C2: variants seen among roughly 807,000 people sequenced by gnomAD.
C2 encodes complement C2, also known as C3/C5 convertase.
Under a neutral mutation model 85.2 loss-of-function variants are expected in C2, and 64 were observed. The observed-to-expected ratio is 0.75, with a 90% CI of 0.61 to 0.92. The LOEUF is 0.92. Among genes scored for constraint, C2 ranks in the 40% least tolerant of loss-of-function variants. C2 has a pLI of 0.00. For synonymous variants in C2, 311 were observed against 370.8 expected (o/e 0.84, Z 1.85); for missense variants, 820 against 971.6 (o/e 0.84, Z 2.07).
At chr6:31,930,327 C>T (rs1377397438) in intron 3 of C2, among the ~76,000 whole-genome samples, 1 of 152,120 alleles carries the variant, frequency 6.6e-6, no homozygotes, top group Non-Finnish European at 1.5e-5. Flanking sequence ...GGGATTCTGC[C>T]CACCTTGGCC....
intron 8 of C2, among the ~76,000 whole-genome samples, chr6:31,938,985 G>C (rs1444562913): frequency 6.6e-6 from 1 of 151,850 alleles, no homozygotes; most frequent in Non-Finnish European, 1.5e-5. Context: ...TTTTAGTAGA[G>C]ACAGGGTTTC....
chr6:31,907,168 T>A (rs1452301205), intron 1 of C2, among the ~76,000 whole-genome samples: 1 of 151,126 alleles, frequency 6.6e-6, no homozygotes, highest in Non-Finnish European at 1.5e-5. Context: ...AATAAAAGCA[T>A]TAGAGTTTGT....
At chr6:31,918,081 C>G (rs1299080425), upstream of C2, among the ~76,000 whole-genome samples, 1 of 151,876 alleles carries the variant, frequency 6.6e-6, no homozygotes, top group Non-Finnish European at 1.5e-5. Context: ...TCAAGACCAG[C>G]CTGGAAAACA....
chr6:31,913,030 CAA>C (rs34465217), intron 1 of C2, among the ~76,000 whole-genome samples: 6 of 70,528 alleles, frequency 8.5e-5, no homozygotes, highest in Middle Eastern at 8.9e-3. Context: ...CCTGTTTCCA[CAA>C]AAAAAAAAAA....
upstream of C2, chr6:31,927,588 CT>C (rs961099439): frequency 6.4e-7 from 1 of 1,560,764 alleles, no homozygotes; most frequent in African/African-American, 1.4e-5. The surrounding 1 kb of genome is among the most constrained non-coding windows in gnomAD (Gnocchi z 4.7). Flanking sequence ...TCCCCAATCC[CT>C]GCTTATTATT....
rs1768890453 is a variant in C2 at position 31,920,539 on chromosome 6, A to G, written c.-100+513A>G. Among the ~76,000 whole-genome samples, 1 of 152,096 alleles carries G rather than the reference A, an allele frequency of 6.6e-6. No individual in the cohort carries two copies. ...CTGGCCCATCCTCAGCTGACCCCTGAGCACCTGAGTTGTGTTTACCACCCT... is the reference window on the plus strand; with the variant it reads ...CTGGCCCATCCTCAGCTGACCCCTGGGCACCTGAGTTGTGTTTACCACCCT... On this transcript the variant is annotated intron_variant, in intron 1 of 3. Transcript: ENST00000413154. The surrounding 1 kb of genome is among the most constrained non-coding windows in gnomAD (Gnocchi z 5.6).
At chr6:31,942,893 A>G in intron 9 of C2, 66 bp from the exon 10 acceptor site, 1 of 1,602,140 alleles carries the variant, frequency 6.2e-7, no homozygotes, top group South Asian at 1.1e-5. Context: ...TTCAGATGAC[A>G]GCCTCCTGTC....
intron 3 of C2, among the ~76,000 whole-genome samples, chr6:31,931,562 G>C (rs1272678764): frequency 5.3e-5 from 8 of 151,940 alleles, no homozygotes; most frequent in African/African-American, 1.9e-4. Flanking sequence ...ACATGTTTCA[G>C]AGAGCACAGG....
chr6:31,913,330 C>T lies in C2; in HGVS notation c.73+12191C>T, dbSNP rs142023426. 3.7e-3 allele frequency among the ~76,000 whole-genome samples: 569 copies of T among 152,316 alleles called. 4 individuals are homozygous for T. Among genetic ancestry groups the T allele is most frequent in the African/African-American group, 8.5e-3 (353 of 41,578 alleles). The stretch of plus-strand genomic sequence containing the variant: ...GTGGCTCACGCCAGTAATTGGAGCA[C>T]TTTGGGAGGCCAAGGTGGGCAGATC... On this transcript the variant is annotated intron_variant, in intron 1 of 3. Coordinates refer to the C2 transcript ENST00000452202.
upstream of C2, chr6:31,899,749 T>C (rs1767050878): frequency 1.4e-6 from 1 of 693,986 alleles, no homozygotes; most frequent in Non-Finnish European, 2.3e-6. Context: ...TCTTGCACTC[T>C]CAAGAGCAAG....
chr6:31,914,321 G>A (rs1051982398), intron 1 of C2, among the ~76,000 whole-genome samples: 13 of 151,754 alleles, frequency 8.6e-5, no homozygotes, highest in East Asian at 3.9e-4. Context: ...GGCCGGGCGC[G>A]GTGGCTCACT....
At chr6:31,936,138 G>T in intron 7 of C2, 77 bp downstream of exon 7, 1 of 1,515,154 alleles carries the variant, frequency 6.6e-7, no homozygotes, top group Non-Finnish European at 9.0e-7. Context: ...AATTCTGGAT[G>T]AGTTAAAAAG....
upstream of C2, among the ~76,000 whole-genome samples, chr6:31,923,702 G>C (rs777955254): frequency 1.1e-4 from 17 of 151,268 alleles, no homozygotes; most frequent in Non-Finnish European, 1.9e-4. Context: ...TGTTAGCCAG[G>C]ATGGTCTCGA....
rs1435674471 is a variant in C2 at position 31,921,252 on chromosome 6, G to C, written c.-100+1226G>C. 6.6e-6 allele frequency among the ~76,000 whole-genome samples: 1 copy of C among 152,080 alleles called. No homozygotes were observed. Among genetic ancestry groups the C allele is most frequent in the Non-Finnish European group, 1.5e-5 (1 of 68,004 alleles). ...TGGGGTGGAAATAGGATGGGGGAGG[G>C]CATTGGCTTGACCTTACTTGGATAG... On this transcript the variant is annotated intron_variant, in intron 1 of 3. Coordinates refer to the C2 transcript ENST00000413154. The surrounding 1 kb of genome is among the most constrained non-coding windows in gnomAD (Gnocchi z 4.6).
In C2 at chr6:31,943,860, A is replaced by C; in HGVS notation, c.1733+51A>C. 6.2e-7 allele frequency: 1 copy of C among 1,611,654 alleles called. No homozygotes were observed. Among genetic ancestry groups the C allele is most frequent in the Admixed American group, 1.7e-5 (1 of 60,034 alleles). Reference sequence around the variant, plus strand: ...TGCCCTGCAGGGAAGAGTGCTCTGGAGATCCCTGGAAGAGATACTGGGGAC... The same window carrying C: ...TGCCCTGCAGGGAAGAGTGCTCTGGCGATCCCTGGAAGAGATACTGGGGAC... On this transcript the variant is annotated intron_variant, in intron 13 of 17. Transcript: ENST00000299367. This position sits in a 1 kb window ranked among gnomAD's most constrained non-coding sequence, Gnocchi z 6.4.
At chr6:31,918,414 C>A (rs1244560108), upstream of C2, among the ~76,000 whole-genome samples, 4 of 151,780 alleles carry the variant, frequency 2.6e-5, no homozygotes, top group Non-Finnish European at 2.9e-5. Flanking sequence ...TACTGAGACC[C>A]CTGTCTTTAC....
upstream of C2, chr6:31,900,703 C>G: frequency 6.2e-7 from 1 of 1,605,430 alleles, no homozygotes; most frequent in Non-Finnish European, 8.5e-7. This position sits in a 1 kb window ranked among gnomAD's most constrained non-coding sequence, Gnocchi z 9.7. Context: ...CGTCCTCATC[C>G]TCATCCTCAT....
intron 3 of C2, among the ~76,000 whole-genome samples, chr6:31,933,403 C>T (rs1770088226): frequency 6.6e-6 from 1 of 152,122 alleles, no homozygotes; most frequent in Non-Finnish European, 1.5e-5. Context: ...GGATGCCTCA[C>T]TGTGGTTTAT....
rs1768959122 is a variant in C2 at position 31,921,385 on chromosome 6, T to A, written c.-100+1359T>A. On this transcript the variant is annotated intron_variant, in intron 1 of 3. Transcript: ENST00000413154. The surrounding 1 kb of genome is among the most constrained non-coding windows in gnomAD (Gnocchi z 4.6). ...GGCGTGGACAGGTCTTGTAGGAGTC[T>A]GGAAGATGAGGGATTTGAGAAGGAT... 6.6e-6 allele frequency among the ~76,000 whole-genome samples: 1 copy of A among 151,830 alleles called. No homozygotes were observed. The highest frequency in any genetic ancestry group is 1.5e-5 in the Non-Finnish European group (1 of 67,950).
Sources: gnomAD v4.1 joint callset for allele counts (sites outside exome capture counted in the v4.1 genomes callset) on GRCh38, gnomAD v4.1.1 for gene constraint, Gnocchi (gnomAD v3.1) non-coding constraint, MANE v1.5 for transcripts, NCBI Gene and HGNC (gene_info 2026-07-23, HGNC 2026-07-21) for gene names.